The following NME7 variants were observed in gnomAD, a reference collection of about 807,000 sequenced individuals.
NME7 encodes the protein NME/NM23 family member 7, also known as nucleoside diphosphate kinase 7.
NME7 carries 41 observed loss-of-function variants against 49.1 expected under a neutral mutation model. That is an observed-to-expected ratio of 0.83 (90% confidence interval 0.65 to 1.08). The LOEUF (loss-of-function observed/expected upper bound fraction) is 1.08. Among genes scored for constraint, NME7 ranks in the 50% least tolerant of loss-of-function variants. The probability of loss-of-function intolerance (pLI) is 0.00; values close to 1 mark genes in which losing one functional copy is unlikely to be tolerated. For missense variants in NME7, 423 were observed against 463.4 expected (o/e 0.91, Z 0.80); for synonymous variants, 139 against 150.6 (o/e 0.92, Z 0.56).
intron 11 of NME7, among the ~76,000 whole-genome samples, chr1:169,136,044 A>G (rs999509220): frequency 2.0e-5 from 3 of 152,122 alleles, no homozygotes; most frequent in Non-Finnish European, 4.4e-5. Context: ...ATTCCCCCTT[A>G]GTGTTGACCC....
At chr1:169,314,137 A>G (rs1173166638) in intron 3 of NME7, among the ~76,000 whole-genome samples, 1 of 152,096 alleles carries the variant, frequency 6.6e-6, no homozygotes, top group Non-Finnish European at 1.5e-5. Context: ...ATTTAAGCAA[A>G]GGTAAAATAA....
At chr1:169,302,771 T>A (rs1327689702) in intron 5 of NME7, among the ~76,000 whole-genome samples, 1 of 151,602 alleles carries the variant, frequency 6.6e-6, no homozygotes, top group African/African-American at 2.4e-5. Flanking sequence ...AAGTAAAAGT[T>A]GACATAAAAA....
At chr1:169,194,955 C>G (rs2101768965) in intron 10 of NME7, among the ~76,000 whole-genome samples, 1 of 152,262 alleles carries the variant, frequency 6.6e-6, no homozygotes, top group East Asian at 1.9e-4. Flanking sequence ...TTACCACTCT[C>G]ATCTACAACA....
intron 1 of NME7, among the ~76,000 whole-genome samples, chr1:169,329,385 T>G (rs1571393904): frequency 7.5e-6 from 1 of 133,680 alleles, no homozygotes; most frequent in South Asian, 2.4e-4. Context: ...TCATGAAAAT[T>G]TGTGTTTCCT....
chr1:169,314,544 T>G (rs1651535514), intron 3 of NME7, among the ~76,000 whole-genome samples: 1 of 151,870 alleles, frequency 6.6e-6, no homozygotes, highest in Non-Finnish European at 1.5e-5. Context: ...GATGTCAGAG[T>G]TAAAGCCAAG....
intron 7 of NME7, among the ~76,000 whole-genome samples, chr1:169,282,035 C>G (rs1168950436): frequency 6.6e-6 from 1 of 152,150 alleles, no homozygotes; most frequent in Non-Finnish European, 1.5e-5. Flanking sequence ...ACCAGCTCCT[C>G]TTTGTACCTC....
intron 1 of NME7, among the ~76,000 whole-genome samples, chr1:169,358,632 G>GT (rs1486552026): frequency 2.0e-5 from 3 of 152,096 alleles, no homozygotes; most frequent in Non-Finnish European, 4.4e-5. Context: ...AATATTGTAG[G>GT]TAAGTATTAA....
intron 10 of NME7, among the ~76,000 whole-genome samples, chr1:169,170,975 T>C (rs1365215533): frequency 1.3e-5 from 2 of 152,070 alleles, no homozygotes; most frequent in African/African-American, 2.4e-5. Context: ...AGCTGTCATT[T>C]TGTGACATAA....
intron 1 of NME7, among the ~76,000 whole-genome samples, chr1:169,327,578 T>G (rs1652104701): frequency 6.6e-6 from 1 of 152,184 alleles, no homozygotes; most frequent in Non-Finnish European, 1.5e-5. Context: ...AGAACTTTCC[T>G]AGAGCACCAG....
intron 10 of NME7, among the ~76,000 whole-genome samples, chr1:169,203,320 C>T (rs1437557937): frequency 6.6e-6 from 1 of 152,136 alleles, no homozygotes; most frequent in Admixed American, 6.5e-5. Context: ...CAAATGGTAA[C>T]CCTCTTCTGG....
At chr1:169,177,435 A>G (rs1659784382) in intron 10 of NME7, among the ~76,000 whole-genome samples, 1 of 152,128 alleles carries the variant, frequency 6.6e-6, no homozygotes, top group South Asian at 2.1e-4. Context: ...AAAAAACATA[A>G]GTTGAATCAT....
chr1:169,209,221 A>C (rs1389965138), intron 10 of NME7, among the ~76,000 whole-genome samples: 2 of 152,060 alleles, frequency 1.3e-5, no homozygotes, highest in African/African-American at 4.8e-5. Flanking sequence ...AAATTTACTA[A>C]AACCTAATAG....
At chr1:169,352,236 A>T (rs990561387) in intron 1 of NME7, among the ~76,000 whole-genome samples, 5 of 152,150 alleles carry the variant, frequency 3.3e-5, no homozygotes, top group African/African-American at 9.7e-5. Flanking sequence ...CATCATGACC[A>T]AGTGGGATTT....
intron 3 of NME7, among the ~76,000 whole-genome samples, chr1:169,316,149 G>A (rs1418367554): frequency 1.3e-5 from 2 of 151,712 alleles, no homozygotes; most frequent in African/African-American, 2.4e-5. Context: ...CAAATGTTTA[G>A]GTAAATCTAA....
Position 169,270,912 on chromosome 1 carries a change from T to C in NME7, c.754+16391A>G, listed in dbSNP as rs1261334658. ...TGATTTCAGAGTAAAAGTAATTTATTTTATGGATGGAATTAATAACTATAA... is the reference window on the plus strand; with the variant it reads ...TGATTTCAGAGTAAAAGTAATTTATCTTATGGATGGAATTAATAACTATAA... On this transcript the variant is annotated intron_variant, in intron 7 of 11. Coordinates refer to ENST00000367811, the MANE Select transcript of NME7 (RefSeq NM_013330.5). Among the ~76,000 whole-genome samples the C allele has an allele frequency of 2.2e-5, 3 of 134,034 alleles. 1 individual carries two copies. The highest frequency in any genetic ancestry group is 7.6e-5 in the African/African-American group (3 of 39,650). The allele number at this position is 134,034 out of a possible 152,430, so 87.9% of individuals were successfully genotyped here. A position where few individuals can be genotyped will look rare whatever the true frequency, so the allele number is the denominator to read the frequency against.
chr1:169,234,110 T>C (rs1647756520), intron 9 of NME7, among the ~76,000 whole-genome samples: 1 of 152,172 alleles, frequency 6.6e-6, no homozygotes, highest in Admixed American at 6.5e-5. Flanking sequence ...AAGCATAACA[T>C]GTTCCTTCAA....
At chr1:169,335,690 T>C (rs1652434527) in intron 1 of NME7, among the ~76,000 whole-genome samples, 2 of 147,158 alleles carry the variant, frequency 1.4e-5, no homozygotes, top group South Asian at 4.2e-4. Context: ...ATATATATAA[T>C]ATATATGTTT....
At chr1:169,294,448 A>G (rs1165046841) in intron 6 of NME7, among the ~76,000 whole-genome samples, 2 of 152,176 alleles carry the variant, frequency 1.3e-5, no homozygotes, top group Non-Finnish European at 2.9e-5. Context: ...GTATAAGTCT[A>G]TGTTTTGGTA....
chr1:169,235,187 G>A lies in NME7; in HGVS notation c.832C>T (p.Arg278Trp), dbSNP rs778437765. ...ISAMQMFNMD[R>W]VNVEEFYEVY... Reference sequence around the variant, plus strand: ...TCATAGAATTCCTCAACATTAACCCGATCCATATTGAACTATATTAAAAAA... The same window carrying A: ...TCATAGAATTCCTCAACATTAACCCAATCCATATTGAACTATATTAAAAAA... The change falls in exon 9 of 12, where the codon CGG becomes TGG. Residue 278 changes from arginine to tryptophan, a missense_variant. Physicochemically the swap from Arg to Trp is moderately radical, Grantham distance 101 (BLOSUM62 -3). Transcript: ENST00000367811. 26 of 1,535,146 alleles carry A rather than the reference G, an allele frequency of 1.7e-5. No homozygotes were observed. In the East Asian group the frequency reaches 2.5e-4, roughly 15 times the overall value.
Sources: allele counts gnomAD v4.1 joint callset (sites outside exome capture counted in the v4.1 genomes callset), GRCh38; gene constraint gnomAD v4.1.1; transcripts MANE v1.5; gene names NCBI Gene and HGNC (gene_info 2026-07-23, HGNC 2026-07-21).